CHFR: variants seen among roughly 807,000 people sequenced by gnomAD.
The protein encoded by CHFR is checkpoint with forkhead and ring finger domains.
A neutral mutation model predicts 87.6 loss-of-function variants in CHFR; 57 were observed. The ratio of observed to expected loss-of-function variants is 0.65; its 90% CI spans 0.53 to 0.81. The LOEUF is 0.81. Among genes scored for constraint, CHFR ranks in the 30% least tolerant of loss-of-function variants. The pLI is 0.00. For synonymous variants in CHFR, 381 were observed against 359.2 expected, an observed-to-expected ratio of 1.06 and a Z score of -0.69; for missense variants, 797 against 865.8, an observed-to-expected ratio of 0.92 and a Z score of 1.00.
chr12:132,846,866 G>T (rs1206696131), intron 15 of CHFR, among the ~76,000 whole-genome samples, 177 bp downstream of exon 15: 1 of 152,144 alleles, frequency 6.6e-6, no homozygotes, highest in Non-Finnish European at 1.5e-5. Flanking sequence ...GGCAACAAGA[G>T]CGAGACTCCA....
intron 4 of CHFR, 30 bp downstream of exon 4, chr12:132,872,255 C>T (rs1211160456): frequency 9.4e-6 from 14 of 1,486,730 alleles, no homozygotes; most frequent in Non-Finnish European, 1.3e-5. Context: ...CCGTGCGGGT[C>T]TGACCCCGGC....
Position 132,877,538 on chromosome 12 carries a change from G to A in CHFR, c.233+17C>T. 1 of 1,554,022 alleles carries A rather than the reference G, an allele frequency of 6.4e-7. No homozygotes were observed. Among genetic ancestry groups the A allele is most frequent in the Non-Finnish European group, 8.8e-7 (1 of 1,131,566 alleles). ...GCTACAAGAAGAAACACCAAAAGAA[G>A]CTCAGAACATACTCACCTGGTATCT... On this transcript the variant is annotated intron_variant, in intron 3 of 17. Coordinates refer to ENST00000450056, the MANE Select transcript of CHFR (RefSeq NM_001161346.2).
intron 8 of CHFR, among the ~76,000 whole-genome samples, chr12:132,858,607 A>G (rs1049003893): frequency 2.6e-5 from 4 of 151,252 alleles, no homozygotes; most frequent in Non-Finnish European, 5.9e-5. Context: ...ACACGCCTGC[A>G]GTCCCAGCTG....
At chr12:132,875,776 A>G (rs1951617186) in intron 3 of CHFR, among the ~76,000 whole-genome samples, 1 of 152,228 alleles carries the variant, frequency 6.6e-6, no homozygotes, top group South Asian at 2.1e-4. Flanking sequence ...AAAACAATAA[A>G]TGTCCACCAA....
chr12:132,877,431 C>T (rs549211800), intron 3 of CHFR, 124 bp downstream of exon 3: 5 of 553,294 alleles, frequency 9.0e-6, no homozygotes, highest in East Asian at 6.3e-5. Flanking sequence ...AAAAATGAGC[C>T]GCTGTTATCA....
chr12:132,842,081 C>G (rs1950714057), intron 17 of CHFR, among the ~76,000 whole-genome samples: 1 of 141,924 alleles, frequency 7.0e-6, no homozygotes, highest in African/African-American at 2.6e-5. Flanking sequence ...TATACTCCAG[C>G]CTGGCAGACA....
chr12:132,864,187 AC>A lies in CHFR; in HGVS notation c.584-2554del, dbSNP rs74923714. On this transcript the variant is annotated intron_variant, in intron 6 of 17. Coordinates refer to ENST00000450056, the MANE Select transcript of CHFR (RefSeq NM_001161346.2). ...AAGTGTTATTATTTGAAAAAAAAAA[AC>A]ACAAGAAACTGGCTTACAGCAGCTG... Among the ~76,000 whole-genome samples, 787 of 151,478 alleles carry A rather than the reference AC, an allele frequency of 5.2e-3. 9 individuals carry two copies. The highest frequency in any genetic ancestry group is 7.1e-3 in the Non-Finnish European group (483 of 67,808).
In CHFR at chr12:132,870,727, A is replaced by C; in HGVS notation, c.400T>G (p.Phe134Val). Residue 134 changes from phenylalanine to valine, a missense_variant, in exon 5 of 18, where the codon TTT becomes GTT. By Grantham distance (50) the Phe-to-Val change is conservative. Transcript: ENST00000450056. Reference sequence around the variant, plus strand: ...TCTTTGCTACACTCTTACTTACCAAAGGATTCTTGTGTCATGCCTTGCTTT... The same window carrying C: ...TCTTTGCTACACTCTTACTTACCAACGGATTCTTGTGTCATGCCTTGCTTT... ...SEKQGMTQES[F>V]DTSGAGAGRG... is the part of the protein sequence containing the mutation. 6.2e-7 allele frequency: 1 copy of C among 1,605,442 alleles called. No individual in the cohort carries two copies. Among genetic ancestry groups the C allele is most frequent in the East Asian group, 2.2e-5 (1 of 44,800 alleles).
At chr12:132,886,674 G>A (rs954572792) in intron 2 of CHFR, among the ~76,000 whole-genome samples, 3 of 152,190 alleles carry the variant, frequency 2.0e-5, no homozygotes, top group East Asian at 1.9e-4. Flanking sequence ...TCTAGGGGCT[G>A]GGACTTGAGA....
intron 11 of CHFR, among the ~76,000 whole-genome samples, chr12:132,852,985 C>T (rs1190910502): frequency 5.9e-5 from 9 of 152,206 alleles, no homozygotes; most frequent in African/African-American, 2.2e-4. Flanking sequence ...GAAAAAGGCA[C>T]CTGACGGGGA....
intron 8 of CHFR, 43 bp downstream of exon 8, chr12:132,859,025 T>C: frequency 6.3e-7 from 1 of 1,582,454 alleles, no homozygotes; most frequent in Non-Finnish European, 8.6e-7. Context: ...ACGAAGAACC[T>C]GCAGTGCCAT....
At chr12:132,867,968 ATAAT>A (rs1951385950) in intron 6 of CHFR, 1 of 151,758 alleles carries the variant, frequency 6.6e-6, no homozygotes, top group Admixed American at 6.6e-5. Context: ...TTAAAAAAAA[ATAAT>A]ATGTATAGCG....
At chr12:132,857,651 C>T (rs543551307) in intron 8 of CHFR, 92 bp from the exon 9 acceptor site, 2 of 1,239,192 alleles carry the variant, frequency 1.6e-6, no homozygotes, top group South Asian at 1.4e-5. Flanking sequence ...CACGGAAGGG[C>T]CTACAGGGGC....
chr12:132,880,101 C>T (rs1251630450), intron 2 of CHFR, among the ~76,000 whole-genome samples: 1 of 152,124 alleles, frequency 6.6e-6, no homozygotes, highest in South Asian at 2.1e-4. Flanking sequence ...TGTAGAAAAA[C>T]CAAAGCAATT....
intron 2 of CHFR, among the ~76,000 whole-genome samples, chr12:132,881,738 C>G (rs766589059): frequency 3.3e-5 from 5 of 151,924 alleles, no homozygotes; most frequent in Non-Finnish European, 7.4e-5. Flanking sequence ...CATGGTGGCA[C>G]GTGCCTGTAG....
chr12:132,869,562 G>C (rs1951436449), intron 6 of CHFR, 57 bp downstream of exon 6: 1 of 1,476,510 alleles, frequency 6.8e-7, no homozygotes, highest in African/African-American at 1.4e-5. Context: ...CACAGGTAAA[G>C]AGTAGTGAAC....
At chr12:132,852,277 C>T (rs1255502433) in intron 11 of CHFR, among the ~76,000 whole-genome samples, 1 of 152,040 alleles carries the variant, frequency 6.6e-6, no homozygotes, top group African/African-American at 2.4e-5. Flanking sequence ...CATGAGCCAC[C>T]GTGCCCGGCC....
chr12:132,848,540 C>T, intron 13 of CHFR, 101 bp downstream of exon 13: 1 of 890,616 alleles, frequency 1.1e-6, no homozygotes. Context: ...GGCCTCATCC[C>T]TATAAACATC....
chr12:132,876,283 A>G (rs981759178), intron 3 of CHFR, among the ~76,000 whole-genome samples: 2 of 152,250 alleles, frequency 1.3e-5, no homozygotes, highest in Non-Finnish European at 2.9e-5. Flanking sequence ...ACGTATGAAT[A>G]GGATTTTGGA....
Sources: allele counts gnomAD v4.1 joint callset (sites outside exome capture counted in the v4.1 genomes callset), GRCh38; gene constraint gnomAD v4.1.1; transcripts MANE v1.5; gene names NCBI Gene and HGNC (gene_info 2026-07-23, HGNC 2026-07-21).